SPAG16: variants seen among roughly 807,000 people sequenced by gnomAD.
The protein encoded by SPAG16 is sperm-associated antigen 16 protein.
In SPAG16, 86 loss-of-function variants were observed where a neutral mutation model predicts 80.4. The observed-to-expected ratio is 1.07, with a 90% CI of 0.90 to 1.28. The LOEUF (loss-of-function observed/expected upper bound fraction) is 1.28, where lower values mean the gene tolerates loss of function less well. Among genes scored for constraint, SPAG16 ranks in the 50% most tolerant of loss-of-function variants. SPAG16 has a pLI of 0.00. For missense variants in SPAG16, 870 were observed against 765.3 expected, an observed-to-expected ratio of 1.14 and a Z score of -1.61; for synonymous variants, 294 against 265.9, an observed-to-expected ratio of 1.11 and a Z score of -1.03.
intron 15 of SPAG16, among the ~76,000 whole-genome samples, chr2:214,405,551 T>C (rs1701949642): frequency 6.6e-6 from 1 of 152,156 alleles, no homozygotes; most frequent in Non-Finnish European, 1.5e-5. Flanking sequence ...ATCCCAACAC[T>C]TTGGGAGGCC....
chr2:214,322,567 T>G (rs1449772578), intron 15 of SPAG16, among the ~76,000 whole-genome samples: 2 of 150,306 alleles, frequency 1.3e-5, no homozygotes, highest in African/African-American at 4.9e-5. Flanking sequence ...AAAAATAAAT[T>G]ACATTTTCTT....
intron 12 of SPAG16, among the ~76,000 whole-genome samples, chr2:214,002,127 A>G (rs968241186): frequency 2.0e-5 from 3 of 151,972 alleles, no homozygotes; most frequent in African/African-American, 4.8e-5. Context: ...CCCTGATTCA[A>G]TCATCTCCCA....
chr2:213,991,505 A>T (rs1202171159), intron 12 of SPAG16, among the ~76,000 whole-genome samples: 1 of 152,124 alleles, frequency 6.6e-6, no homozygotes. Context: ...CCACTATTTT[A>T]TGGTTTGGCA....
At chr2:213,985,799 C>G (rs2045970003) in intron 12 of SPAG16, among the ~76,000 whole-genome samples, 1 of 151,964 alleles carries the variant, frequency 6.6e-6, no homozygotes, top group Non-Finnish European at 1.5e-5. Flanking sequence ...AATAGAAAGA[C>G]AGACAAGGAA....
chr2:213,590,567 C>T (rs2060650533), intron 10 of SPAG16, among the ~76,000 whole-genome samples: 1 of 152,108 alleles, frequency 6.6e-6, no homozygotes, highest in South Asian at 2.1e-4. Context: ...TCACTAGCAT[C>T]ATCAGAAAGA....
chr2:213,825,697 CTTTCTTTTTT>C (rs944605871), intron 10 of SPAG16, among the ~76,000 whole-genome samples: 12 of 85,880 alleles, frequency 1.4e-4, no homozygotes, highest in South Asian at 1.1e-3. Context: ...TTCTTTCTTT[CTTTCTTTTTT>C]TTTTTTTTTT....
At chr2:213,309,705 AC>A (rs971250498) in intron 3 of SPAG16, among the ~76,000 whole-genome samples, 3 of 152,004 alleles carry the variant, frequency 2.0e-5, no homozygotes, top group African/African-American at 7.2e-5. Flanking sequence ...CACCCTAAAT[AC>A]GTAGCAACCC....
At chr2:213,361,110 C>T (rs371606223) in intron 7 of SPAG16, among the ~76,000 whole-genome samples, 3 of 151,544 alleles carry the variant, frequency 2.0e-5, no homozygotes, top group Admixed American at 6.6e-5. Context: ...GACAAAAATC[C>T]GATAGGAAAT....
At chr2:214,341,760 T>A (rs1346646893) in intron 15 of SPAG16, among the ~76,000 whole-genome samples, 1 of 152,236 alleles carries the variant, frequency 6.6e-6, no homozygotes, top group Non-Finnish European at 1.5e-5. Context: ...TTCACTTTTT[T>A]CCTTAGCAAT....
At chr2:214,244,671 A>G (rs1382193706) in intron 15 of SPAG16, among the ~76,000 whole-genome samples, 2 of 152,140 alleles carry the variant, frequency 1.3e-5, no homozygotes, top group Non-Finnish European at 2.9e-5. Context: ...ATAGTTATGT[A>G]AGAATCAATT....
chr2:213,804,316 A>G (rs2071605265), intron 10 of SPAG16, among the ~76,000 whole-genome samples: 2 of 152,190 alleles, frequency 1.3e-5, no homozygotes, highest in African/African-American at 2.4e-5. Context: ...TAGGCAGAAG[A>G]TTCTCTTAGG....
intron 10 of SPAG16, among the ~76,000 whole-genome samples, chr2:213,678,002 C>G (rs890217597): frequency 2.6e-5 from 4 of 151,948 alleles, no homozygotes; most frequent in African/African-American, 9.7e-5. Context: ...ACTGAACAAC[C>G]TGCTCCTGAA....
chr2:213,452,851 C>G (rs2071786106), intron 9 of SPAG16, among the ~76,000 whole-genome samples: 1 of 152,194 alleles, frequency 6.6e-6, no homozygotes, highest in Non-Finnish European at 1.5e-5. Flanking sequence ...ATTGTATCAG[C>G]TAGACTAATA....
At chr2:213,331,323 T>A (rs1489553315) in intron 5 of SPAG16, among the ~76,000 whole-genome samples, 1 of 152,202 alleles carries the variant, frequency 6.6e-6, no homozygotes, top group African/African-American at 2.4e-5. Context: ...GAACCTGATC[T>A]TGGCAGGATT....
chr2:214,196,087 A>T (rs980179022), intron 15 of SPAG16, among the ~76,000 whole-genome samples: 1 of 152,018 alleles, frequency 6.6e-6, no homozygotes, highest in African/African-American at 2.4e-5. Flanking sequence ...TCAGGCCCTT[A>T]AAGAAATATT....
chr2:213,564,494 T>TAA (rs77022819), intron 10 of SPAG16, among the ~76,000 whole-genome samples: 26 of 121,370 alleles, frequency 2.1e-4, no homozygotes, highest in Middle Eastern at 4.4e-3. Context: ...GACTCTGTCT[T>TAA]AAAAAAAAAA....
chr2:214,344,611 T>C (rs1338190220), intron 15 of SPAG16, among the ~76,000 whole-genome samples: 3 of 152,204 alleles, frequency 2.0e-5, no homozygotes, highest in African/African-American at 7.2e-5. Context: ...TAACATGATC[T>C]TATCTAAAGT....
intron 15 of SPAG16, among the ~76,000 whole-genome samples, chr2:214,208,915 A>G (rs542961042): frequency 6.6e-6 from 1 of 152,340 alleles, no homozygotes; most frequent in South Asian, 2.1e-4. Flanking sequence ...CATGGCACAT[A>G]GTAAACTTTC....
intron 4 of SPAG16, 68 bp downstream of exon 4, chr2:213,310,245 C>A: frequency 9.4e-7 from 1 of 1,067,134 alleles, no homozygotes; most frequent in Non-Finnish European, 1.4e-6. Flanking sequence ...TTTTAAGTGT[C>A]TTAGGAGACT....
Sources: allele counts gnomAD v4.1 joint callset (sites outside exome capture counted in the v4.1 genomes callset), GRCh38; gene constraint gnomAD v4.1.1; transcripts MANE v1.5; gene names NCBI Gene and HGNC (gene_info 2026-07-23, HGNC 2026-07-21).